AATK: variants seen among roughly 807,000 people sequenced by gnomAD.
AATK encodes the protein serine/threonine-protein kinase LMTK1.
A neutral mutation model predicts 114.3 loss-of-function variants in AATK; 91 were observed. That is an observed-to-expected ratio of 0.80 (90% CI 0.67 to 0.95). The LOEUF is 0.95. Ranked by LOEUF, AATK falls within the 40% of genes least tolerant of loss-of-function variation. The probability of loss-of-function intolerance (pLI) is 0.00; values close to 1 mark genes in which losing one functional copy is unlikely to be tolerated. For synonymous variants in AATK, 1,075 were observed against 916.5 expected (o/e 1.17, Z -3.12); for missense variants, 2,176 against 1,965.2 (o/e 1.11, Z -2.03).
At chr17:81,120,157 C>T (rs1388372178) in intron 11 of AATK, 44 bp downstream of exon 11, 7 of 1,521,010 alleles carry the variant, frequency 4.6e-6, no homozygotes, top group Non-Finnish European at 4.4e-6. Flanking sequence ...CCTGCGGGAG[C>T]GCGACCCCCA....
intron 2 of AATK, chr17:81,133,100 C>A: frequency 2.6e-6 from 1 of 388,458 alleles, no homozygotes; most frequent in South Asian, 1.8e-5. Flanking sequence ...GGGTACATCC[C>A]AGAGCAGGGT....
Position 81,120,826 on chromosome 17 carries a change from A to G in AATK, c.3110T>C (p.Val1037Ala), listed in dbSNP as rs2060689977. The stretch of plus-strand genomic sequence containing the variant: ...CCCGGAAACCCCAGGCCTGAGACAG[A>G]CCTGCTCAGACGGCTGCCCAGTGCT... ...LPSTGQPSEQVCLRPGVSGEA... is the reference protein window; with the variant it reads ...LPSTGQPSEQACLRPGVSGEA... The change falls in exon 11 of 14, where the codon GTC (valine) becomes GCC (alanine). Residue 1037 changes from valine (V) to alanine (A), a missense_variant. Around this residue, in one of 4 missense-constraint regions of AATK, gnomAD observed 1,701 missense variants for 1,394.7 expected, o/e 1.22. Coordinates refer to ENST00000326724, the MANE Select transcript of AATK (RefSeq NM_001080395.3). The G allele has an allele frequency of 1.9e-6, 3 of 1,576,654 alleles. No individual in the cohort carries two copies. Among genetic ancestry groups the G allele is most frequent in the Non-Finnish European group, 1.7e-6 (2 of 1,161,756 alleles).
In AATK at chr17:81,118,341, C is replaced by A; in HGVS notation, c.*61G>T. The A allele has an allele frequency of 6.5e-7, 1 of 1,528,518 alleles. No homozygotes were observed. 94.7% of individuals were successfully genotyped at this position (1,528,518 alleles called of 1,614,324 possible). ...TCCCCACCTTCTCGGTCACCATCCT[C>A]GCTGCTGCCTGGCAGGGGCTCCGGT... On this transcript the variant is annotated 3_prime_UTR_variant, in exon 14 of 14. Transcript: ENST00000326724.
chr17:81,152,957 C>T (rs191718799), intron 1 of AATK, among the ~76,000 whole-genome samples: 20 of 152,092 alleles, frequency 1.3e-4, no homozygotes, highest in Admixed American at 1.3e-3. Context: ...ATTCTCTCGC[C>T]TCAGTCTCCC....
In AATK at chr17:81,127,379, C is replaced by T. The variant is rs146502649; in HGVS notation, c.621+204G>A. ...CAGGGAGCCCCAGCCCAGGCCTGTT[C>T]TGTGCCCAGCCCCCACAGTCCCTCC... On this transcript the variant is annotated intron_variant, in intron 6 of 13. Coordinates refer to ENST00000326724, the MANE Select transcript of AATK (RefSeq NM_001080395.3). 1.7e-3 allele frequency among the ~76,000 whole-genome samples: 260 copies of T among 152,240 alleles called. 1 individual carries two copies. The highest frequency in any genetic ancestry group is 6.0e-3 in the African/African-American group (250 of 41,540).
rs557481449 is a variant in AATK at position 81,137,377 on chromosome 17, G to A, written c.56-2876C>T. ...CGCCCAGCCCTGTCCTCGTGGCCACGAGAGGACCCTGGGCAGAGGAGGGGG... is the reference window on the plus strand; with the variant it reads ...CGCCCAGCCCTGTCCTCGTGGCCACAAGAGGACCCTGGGCAGAGGAGGGGG... On this transcript the variant is annotated intron_variant, in intron 1 of 13. Coordinates refer to ENST00000326724, the MANE Select transcript of AATK (RefSeq NM_001080395.3). Among the ~76,000 whole-genome samples the A allele has an allele frequency of 5.9e-5, 9 of 152,204 alleles. No individual in the cohort carries two copies. In the South Asian group the frequency reaches 1.7e-3, roughly 28 times the overall value.
chr17:81,138,161 GCACA>G (rs576178920), intron 1 of AATK, among the ~76,000 whole-genome samples: 14 of 143,638 alleles, frequency 9.7e-5, no homozygotes, highest in East Asian at 2.1e-4. Flanking sequence ...ACGCCCACAT[GCACA>G]CACACACTTA....
In AATK at chr17:81,120,699, C is replaced by T; in HGVS notation, c.3237G>A (p.Glu1079=). ...PSTCPSGLVP[E]PPEPQGPAKV... ...TGGCTGGGCCTTGGGGCTCCGGAGG[C>T]TCTGGGACCAGGCCCGAGGGGCAGG... The change falls in exon 11 of 14, where the codon GAG becomes GAA. Residue 1079 remains glutamate (E), a synonymous_variant. Coordinates refer to ENST00000326724, the MANE Select transcript of AATK (RefSeq NM_001080395.3). 6.5e-7 allele frequency: 1 copy of T among 1,529,050 alleles called. No individual in the cohort carries two copies. The highest frequency in any genetic ancestry group is 8.8e-7 in the Non-Finnish European group (1 of 1,137,470). 94.7% of individuals were successfully genotyped at this position (1,529,050 alleles called of 1,614,324 possible).
At chr17:81,143,537 C>A (rs1422734480) in intron 1 of AATK, among the ~76,000 whole-genome samples, 1 of 69,634 alleles carries the variant, frequency 1.4e-5, no homozygotes, top group African/African-American at 4.1e-5. Context: ...CAGCCCCCAC[C>A]CCCCGTGTCC....
chr17:81,120,332 G>A lies in AATK; in HGVS notation c.3604C>T (p.Gln1202Ter). The change falls in exon 11 of 14, where the codon CAG (glutamine) becomes TAG (stop). Residue 1202 changes from glutamine (Q) to a stop codon, truncating the protein, a stop_gained. Coordinates refer to ENST00000326724, the MANE Select transcript of AATK (RefSeq NM_001080395.3). LOFTEE classifies it high-confidence loss of function. ...PAVPVVVAES[Q>*]SARNLRSLLK... Reference sequence around the variant, plus strand: ...AGGCTGCGCAGGTTGCGCGCGCTCTGGCTCTCAGCCACCACCACGGGCACC... The same window carrying A: ...AGGCTGCGCAGGTTGCGCGCGCTCTAGCTCTCAGCCACCACCACGGGCACC... 2 of 1,610,630 alleles carry A rather than the reference G, an allele frequency of 1.2e-6. No homozygotes were observed. Among genetic ancestry groups the A allele is most frequent in the Non-Finnish European group, 1.7e-6 (2 of 1,179,294 alleles).
intron 2 of AATK, chr17:81,133,051 C>T: frequency 3.1e-6 from 1 of 321,878 alleles, no homozygotes; most frequent in South Asian, 2.2e-5. Flanking sequence ...AGGAAGGCGC[C>T]TGCGCGGCCT....
At chr17:81,141,690 C>T (rs1203120050) in intron 1 of AATK, among the ~76,000 whole-genome samples, 3 of 152,074 alleles carry the variant, frequency 2.0e-5, no homozygotes, top group African/African-American at 4.8e-5. Context: ...CCCAGAGGGC[C>T]GCCATCAGTC....
chr17:81,132,800 A>T, intron 2 of AATK: 1 of 220,406 alleles, frequency 4.5e-6, no homozygotes, highest in South Asian at 4.6e-5. Flanking sequence ...CCCAGGAGGG[A>T]GCCCAGTGTG....
chr17:81,143,194 G>A (rs2061163382), intron 1 of AATK, among the ~76,000 whole-genome samples: 2 of 151,660 alleles, frequency 1.3e-5, no homozygotes, highest in Non-Finnish European at 1.5e-5. Flanking sequence ...CACCTGGCTC[G>A]ATGAGCCCCC....
At chr17:81,146,867 G>A (rs1205356572) in intron 1 of AATK, among the ~76,000 whole-genome samples, 9 of 150,648 alleles carry the variant, frequency 6.0e-5, no homozygotes, top group African/African-American at 1.5e-4. Flanking sequence ...TGCCCAGGCC[G>A]TTTGGTGGAT....
intron 2 of AATK, among the ~76,000 whole-genome samples, chr17:81,132,251 G>A (rs2060944811): frequency 6.6e-6 from 1 of 152,220 alleles, no homozygotes; most frequent in African/African-American, 2.4e-5. Flanking sequence ...AGGCTCAGAG[G>A]AGTCAAGGGA....
chr17:81,137,496 C>T (rs1481276106), intron 1 of AATK, among the ~76,000 whole-genome samples: 3 of 152,110 alleles, frequency 2.0e-5, no homozygotes, highest in Non-Finnish European at 4.4e-5. Context: ...CACCCACCGC[C>T]GCCTCTGCAT....
In AATK at chr17:81,120,839, G is replaced by A. The variant is rs2060690146; in HGVS notation, c.3097C>T (p.Pro1033Ser). 1 of 1,578,556 alleles carries A rather than the reference G, an allele frequency of 6.3e-7. No homozygotes were observed. Among genetic ancestry groups the A allele is most frequent in the Non-Finnish European group, 8.6e-7 (1 of 1,162,588 alleles). The change falls in exon 11 of 14, where the codon CCG (proline) becomes TCG (serine). Residue 1033 changes from proline (P) to serine (S), a missense_variant. By Grantham distance (74) the Pro-to-Ser change is moderately conservative. Transcript: ENST00000326724. Reference protein sequence around the residue: ...PELGLPSTGQPSEQVCLRPGV... With the variant: ...PELGLPSTGQSSEQVCLRPGV... ...GGCCTGAGACAGACCTGCTCAGACGGCTGCCCAGTGCTCGGCAGGCCCAGC... is the reference window on the plus strand; with the variant it reads ...GGCCTGAGACAGACCTGCTCAGACGACTGCCCAGTGCTCGGCAGGCCCAGC...
chr17:81,121,699 G>T lies in AATK; in HGVS notation c.2237C>A (p.Pro746His). ...AQEPGCCPGL[P>H]HLCSAQGLAP... Reference sequence around the variant, plus strand: ...CAGGCCCTGGGCAGAGCATAGATGAGGGAGGCCGGGGCAGCAGCCTGGCTC... The same window carrying T: ...CAGGCCCTGGGCAGAGCATAGATGATGGAGGCCGGGGCAGCAGCCTGGCTC... The change falls in exon 11 of 14, where the codon CCT (proline) becomes CAT (histidine). Residue 746 changes from proline to histidine, a missense_variant. Pro to His is a moderately conservative substitution (Grantham distance 77). Around this residue, in one of 4 missense-constraint regions of AATK, gnomAD observed 1,701 missense variants for 1,394.7 expected, o/e 1.22. Coordinates refer to ENST00000326724, the MANE Select transcript of AATK (RefSeq NM_001080395.3). 6.7e-7 allele frequency: 1 copy of T among 1,496,282 alleles called. No individual in the cohort carries two copies. The highest frequency in any genetic ancestry group is 2.4e-5 in the East Asian group (1 of 41,308). The allele number at this position is 1,496,282 out of a possible 1,614,324, so 92.7% of individuals were successfully genotyped here.
Sources: gnomAD v4.1 joint callset for allele counts (sites outside exome capture counted in the v4.1 genomes callset) on GRCh38, gnomAD v4.1.1 for gene constraint, gnomAD v4.1.1 regional missense constraint, MANE v1.5 for transcripts, NCBI Gene and HGNC (gene_info 2026-07-23, HGNC 2026-07-21) for gene names.